Variants in SLC44A3 observed in about 807,000 individuals in gnomAD.
SLC44A3 encodes the protein choline transporter-like protein 3.
SLC44A3 carries 74 observed loss-of-function variants against 75.4 expected under a neutral mutation model. The ratio of observed to expected loss-of-function variants is 0.98; its 90% CI spans 0.81 to 1.19. The LOEUF (loss-of-function observed/expected upper bound fraction) is 1.19. Ranked by LOEUF, SLC44A3 falls within the 50% of genes most tolerant of loss-of-function variation. The pLI is 0.00. For missense variants in SLC44A3, 700 were observed against 778.6 expected (o/e 0.90, Z 1.20); for synonymous variants, 310 against 296.9 (o/e 1.04, Z -0.45).
intron 4 of SLC44A3, 111 bp downstream of exon 4, chr1:94,827,754 C>T: frequency 7.4e-7 from 1 of 1,357,914 alleles, no homozygotes; most frequent in East Asian, 2.3e-5. Context: ...GGAAGTTTTA[C>T]TTCCTTGTGG....
At chr1:94,888,500 A>C (rs1357720351) in intron 12 of SLC44A3, among the ~76,000 whole-genome samples, 1 of 152,224 alleles carries the variant, frequency 6.6e-6, no homozygotes, top group African/African-American at 2.4e-5. Context: ...TAATATGAGT[A>C]AATGAGTTTC....
chr1:94,870,107 G>A (rs753947416), intron 12 of SLC44A3, among the ~76,000 whole-genome samples: 10 of 152,228 alleles, frequency 6.6e-5, no homozygotes, highest in Non-Finnish European at 1.3e-4. Flanking sequence ...CACTTACAAG[G>A]TGGGGAATGA....
intron 12 of SLC44A3, among the ~76,000 whole-genome samples, chr1:94,870,133 A>G (rs1302833981): frequency 6.6e-6 from 1 of 152,240 alleles, no homozygotes; most frequent in Non-Finnish European, 1.5e-5. Context: ...TCAGTCTCAT[A>G]ATTTCTCATT....
rs1661672023 is a variant in SLC44A3, at chr1:94,828,444, A to G, written c.416-49A>G. The G allele has an allele frequency of 3.3e-6, 5 of 1,508,484 alleles. No homozygotes were observed. In the East Asian group the frequency reaches 1.1e-4, roughly 34 times the overall value. The allele number at this position is 1,508,484 out of a possible 1,614,324, so 93.4% of individuals were successfully genotyped here. A position where few individuals can be genotyped will look rare whatever the true frequency, so the allele number is the denominator to read the frequency against. The stretch of plus-strand genomic sequence containing the variant: ...TTGGTAACATGGCTGTGGTTTCCTT[A>G]CTGACTCACCTGGAAAGAAGGTATA... On this transcript the variant is annotated intron_variant, in intron 4 of 14. Coordinates refer to ENST00000271227, the MANE Select transcript of SLC44A3 (RefSeq NM_001114106.3).
At chr1:94,834,436 G>A (rs1662514411) in intron 5 of SLC44A3, among the ~76,000 whole-genome samples, 1 of 152,106 alleles carries the variant, frequency 6.6e-6, no homozygotes, top group South Asian at 2.1e-4. Context: ...AGGCCATACT[G>A]ATATGAATAA....
chr1:94,846,974 G>A (rs1007556774), intron 9 of SLC44A3, among the ~76,000 whole-genome samples: 6 of 152,236 alleles, frequency 3.9e-5, no homozygotes, highest in Non-Finnish European at 8.8e-5. Flanking sequence ...GGAAGGCATG[G>A]CCCTTGGAGG....
In SLC44A3 at chr1:94,827,627, C is replaced by G. The variant is rs1661547451; in HGVS notation, c.399C>G (p.Phe133Leu). 3.7e-6 allele frequency: 6 copies of G among 1,614,068 alleles called. No homozygotes were observed. The highest frequency in any genetic ancestry group is 1.6e-4 in the Middle Eastern group (1 of 6,084). Reference sequence around the variant, plus strand: ...TTGACTCCCTGGAAGAGGTCCAGTTCTTTGCAAACACCAGTGGTAGGCACT... The same window carrying G: ...TTGACTCCCTGGAAGAGGTCCAGTTGTTTGCAAACACCAGTGGTAGGCACT... ...EQLDSLEEVQ[F>L]FANTSGSFLC... is the part of the protein sequence containing the mutation. The change falls in exon 4 of 15, where the codon TTC becomes TTG. Residue 133 changes from phenylalanine to leucine, a missense_variant. By Grantham distance (22) the Phe-to-Leu change is conservative. Coordinates refer to ENST00000271227, the MANE Select transcript of SLC44A3 (RefSeq NM_001114106.3).
intron 5 of SLC44A3, among the ~76,000 whole-genome samples, chr1:94,837,196 T>C (rs1234107988): frequency 6.6e-6 from 1 of 152,154 alleles, no homozygotes; most frequent in Non-Finnish European, 1.5e-5. Flanking sequence ...TGAGAGATGC[T>C]GGTCAAAGGA....
intron 12 of SLC44A3, among the ~76,000 whole-genome samples, chr1:94,877,677 C>CG (rs1327997180): frequency 6.6e-6 from 1 of 151,870 alleles, no homozygotes; most frequent in Non-Finnish European, 1.5e-5. Context: ...CTAGGTGGGG[C>CG]GAAAAAGTTC....
intron 12 of SLC44A3, among the ~76,000 whole-genome samples, chr1:94,890,405 A>G (rs576498953): frequency 6.6e-6 from 1 of 152,220 alleles, no homozygotes; most frequent in South Asian, 2.1e-4. Flanking sequence ...GGACTCCTCT[A>G]TTCCCTGGCC....
chr1:94,875,636 G>GACA (rs1445955471), intron 12 of SLC44A3, among the ~76,000 whole-genome samples: 7 of 456 alleles, frequency 0.015, no homozygotes, highest in Non-Finnish European at 0.15. Flanking sequence ...ATATGGAGGA[G>GACA]GCCATGCTCA....
chr1:94,894,915 T>TGAGA lies in SLC44A3; in HGVS notation c.1956_1959dup (p.Ter654GlufsTer25). 2 of 1,608,896 alleles carry TGAGA rather than the reference T, an allele frequency of 1.2e-6. No individual in the cohort carries two copies. The highest frequency in any genetic ancestry group is 2.7e-5 in the African/African-American group (2 of 74,718). On this transcript the variant is annotated frameshift_variant, in exon 15 of 15. Transcript: ENST00000271227. LOFTEE classifies it high-confidence loss of function. ...GAGGGAACAGAACTCCAGGCCATTG[T>TGAGA]GAGATAGATACCCATTTAGGTATCT...
At chr1:94,883,862 G>A (rs1177318265) in intron 12 of SLC44A3, among the ~76,000 whole-genome samples, 2 of 152,092 alleles carry the variant, frequency 1.3e-5, no homozygotes, top group Non-Finnish European at 2.9e-5. Context: ...AAATACCATG[G>A]AGAGTATGAG....
intron 10 of SLC44A3, among the ~76,000 whole-genome samples, chr1:94,862,886 A>G (rs1405626888): frequency 6.6e-6 from 1 of 152,226 alleles, no homozygotes; most frequent in Non-Finnish European, 1.5e-5. Context: ...TATTATATTT[A>G]GCATCACTGG....
Position 94,839,397 on chromosome 1 carries a change from T to C in SLC44A3, c.671-551T>C, listed in dbSNP as rs188012032. 6.2e-4 allele frequency among the ~76,000 whole-genome samples: 94 copies of C among 152,272 alleles called. No individual in the cohort carries two copies. The East Asian group carries it at 0.01, about 17-fold the overall frequency. On this transcript the variant is annotated intron_variant, in intron 6 of 14. Coordinates refer to ENST00000271227, the MANE Select transcript of SLC44A3 (RefSeq NM_001114106.3). ...TAAAATTTTTTTTCTTTCTTTCTTT[T>C]TTTTTATTGAGACAGAGTCTTGCTC...
intron 2 of SLC44A3, among the ~76,000 whole-genome samples, chr1:94,822,467 A>G (rs1660745472): frequency 6.6e-6 from 1 of 152,166 alleles, no homozygotes; most frequent in Non-Finnish European, 1.5e-5. Context: ...GGTATTTAAA[A>G]CAGAGCAAGG....
Position 94,820,386 on chromosome 1 carries a change from G to T in SLC44A3, c.-66G>T. ...CCGGCCCCGGCCCCGGCTCGCGGGC[G>T]CTGCGTCTCCGCGTACAGGAGGCGG... On this transcript the variant is annotated 5_prime_UTR_variant, in exon 1 of 15. Coordinates refer to ENST00000271227, the MANE Select transcript of SLC44A3 (RefSeq NM_001114106.3). 7.1e-7 allele frequency: 1 copy of T among 1,403,410 alleles called. No individual in the cohort carries two copies. The allele number at this position is 1,403,410 out of a possible 1,614,324, so 86.9% of individuals were successfully genotyped here. A position where few individuals can be genotyped will look rare whatever the true frequency, so the allele number is the denominator to read the frequency against.
intron 12 of SLC44A3, among the ~76,000 whole-genome samples, chr1:94,867,801 T>C (rs1667337223): frequency 6.6e-6 from 1 of 152,326 alleles, no homozygotes; most frequent in Non-Finnish European, 1.5e-5. Flanking sequence ...AGCTAGCTCC[T>C]GAGCTGTAGT....
chr1:94,837,354 G>A (rs1316894301), intron 5 of SLC44A3, among the ~76,000 whole-genome samples: 1 of 152,130 alleles, frequency 6.6e-6, no homozygotes, highest in Non-Finnish European at 1.5e-5. Flanking sequence ...GGGAATTTAT[G>A]GATACATTCA....
Sources: allele counts gnomAD v4.1 joint callset (sites outside exome capture counted in the v4.1 genomes callset), GRCh38; gene constraint gnomAD v4.1.1; transcripts MANE v1.5; gene names NCBI Gene and HGNC (gene_info 2026-07-23, HGNC 2026-07-21).